The following NAA20 variants were observed in gnomAD, a reference collection of about 807,000 sequenced individuals.
NAA20 encodes N-alpha-acetyltransferase 20.
Under a neutral mutation model 23.8 loss-of-function variants are expected in NAA20, and 24 were observed. The observed-to-expected ratio is 1.01, with a 90% CI of 0.73 to 1.42. The LOEUF (loss-of-function observed/expected upper bound fraction) is 1.42, where lower values mean the gene tolerates loss of function less well. Among genes scored for constraint, NAA20 ranks in the 40% most tolerant of loss-of-function variants. The pLI is 0.00. For missense variants in NAA20, 166 were observed against 223.1 expected, an observed-to-expected ratio of 0.74 and a Z score of 1.63; for synonymous variants, 83 against 77.7, an observed-to-expected ratio of 1.07 and a Z score of -0.36.
At chr20:20,032,862 C>T (rs1479606142) in intron 5 of NAA20, among the ~76,000 whole-genome samples, 1 of 152,118 alleles carries the variant, frequency 6.6e-6, no homozygotes, top group African/African-American at 2.4e-5. Flanking sequence ...TACTGTTTCA[C>T]TCTGTTACAT....
chr20:20,024,570 C>G (rs1416867915), intron 2 of NAA20, among the ~76,000 whole-genome samples: 1 of 152,172 alleles, frequency 6.6e-6, no homozygotes, highest in Non-Finnish European at 1.5e-5. Flanking sequence ...TTTTAGGATG[C>G]AAATCCGTTT....
rs1394987504 is a variant in NAA20, at chr20:20,025,715, G to A, written c.117G>A (p.Trp39Ter). ...TCTACCTACAATACCTCGCCCACTG[G>A]CCAGAGTATTTCATTGTTGCAGAGG... ...IPFYLQYLAH[W>*]PEYFIVAEAP... is the part of the protein sequence containing the mutation. Residue 39 changes from tryptophan (W) to a stop codon, truncating the protein, a stop_gained, in exon 3 of 6, where the codon TGG becomes TGA. Transcript: ENST00000334982. LOFTEE classifies it high-confidence loss of function. 7 of 1,612,202 alleles carry A rather than the reference G, an allele frequency of 4.3e-6. No homozygotes were observed. The highest frequency in any genetic ancestry group is 1.3e-5 in the African/African-American group (1 of 74,846).
intron 4 of NAA20, among the ~76,000 whole-genome samples, chr20:20,028,430 T>A (rs1245836260): frequency 6.6e-6 from 1 of 152,080 alleles, no homozygotes; most frequent in African/African-American, 2.4e-5. Flanking sequence ...GGCACGCGTA[T>A]ACCTATGTAA....
chr20:20,017,501 GGCCCCGCCA>G (rs2043239541), intron 1 of NAA20, 52 bp downstream of exon 1: 1 of 1,538,342 alleles, frequency 6.5e-7, no homozygotes, highest in Non-Finnish European at 8.7e-7. Context: ...CTCGCTTCCC[GGCCCCGCCA>G]GCTCCGGCCC....
intron 4 of NAA20, among the ~76,000 whole-genome samples, chr20:20,031,477 T>G (rs573651264): frequency 1.3e-5 from 2 of 152,286 alleles, no homozygotes; most frequent in Non-Finnish European, 2.9e-5. Context: ...CTAAGAAGTC[T>G]TTTGAATATA....
At position 20,017,575 on chromosome 20, in the gene NAA20, C is replaced by A. The variant is rs372742374; in HGVS notation, c.53+126C>A. On this transcript the variant is annotated intron_variant, in intron 1 of 5. Transcript: ENST00000334982. The stretch of plus-strand genomic sequence containing the variant: ...CCCGGACGGGGACCCGCGAGAACCA[C>A]CCCCCGCCGGCCAACGTGGGCGCCT... 5.9e-6 allele frequency: 8 copies of A among 1,352,786 alleles called. No homozygotes were observed. The South Asian group carries it at 8.0e-5, about 13-fold the overall frequency. 83.8% of individuals were successfully genotyped at this position (1,352,786 alleles called of 1,614,324 possible). A position where few individuals can be genotyped will look rare whatever the true frequency, so the allele number is the denominator to read the frequency against.
At chr20:20,025,932 G>A (rs925063480) in intron 3 of NAA20, among the ~76,000 whole-genome samples, 165 bp downstream of exon 3, 3 of 152,008 alleles carry the variant, frequency 2.0e-5, no homozygotes, top group Non-Finnish European at 4.4e-5. Context: ...ACTGTGCTAG[G>A]CCCAGGCGAT....
At chr20:20,017,851 C>T in intron 1 of NAA20, 2 of 1,538,224 alleles carry the variant, frequency 1.3e-6, no homozygotes, top group South Asian at 1.2e-5. Context: ...CGTGGCCGGG[C>T]CGCGCCTCTT....
At chr20:20,020,858 C>T (rs557320147) in intron 1 of NAA20, among the ~76,000 whole-genome samples, 1 of 152,232 alleles carries the variant, frequency 6.6e-6, no homozygotes, top group African/African-American at 2.4e-5. Context: ...GCTCAGTGCA[C>T]ATCATATTTG....
Position 20,032,800 on chromosome 20 carries a change from G to A in NAA20, c.451+147G>A, listed in dbSNP as rs546274574. The A allele has an allele frequency of 5.6e-6, 6 of 1,079,762 alleles. No individual in the cohort carries two copies. In the Admixed American group the frequency reaches 1.9e-4, roughly 35 times the overall value. 66.9% of individuals were successfully genotyped at this position (1,079,762 alleles called of 1,614,324 possible). ...TCAACCTACCTTTATCAACCTATTA[G>A]TAGTAGTAATTAACTTACCTATTAA... On this transcript the variant is annotated intron_variant, in intron 5 of 5. Coordinates refer to ENST00000334982, the MANE Select transcript of NAA20 (RefSeq NM_016100.5).
At chr20:20,032,373 C>A in intron 4 of NAA20, 135 bp from the exon 5 acceptor site, 1 of 682,036 alleles carries the variant, frequency 1.5e-6, no homozygotes, top group Non-Finnish European at 2.3e-6. Flanking sequence ...ATGTAATCAG[C>A]TACAAGGTCC....
intron 4 of NAA20, among the ~76,000 whole-genome samples, chr20:20,031,066 A>T (rs2146469055): frequency 6.6e-6 from 1 of 152,328 alleles, no homozygotes; most frequent in African/African-American, 2.4e-5. Context: ...TTCCAATGTA[A>T]TTGCAGTCAA....
intron 5 of NAA20, 138 bp downstream of exon 5, chr20:20,032,791 A>G (rs2043356172): frequency 1.8e-6 from 2 of 1,130,932 alleles, no homozygotes; most frequent in African/African-American, 3.1e-5. Context: ...TACCTTTATC[A>G]ACCTATTAGT....
intron 2 of NAA20, among the ~76,000 whole-genome samples, chr20:20,023,239 G>C (rs1242402874): frequency 1.2e-4 from 18 of 151,306 alleles, no homozygotes. Flanking sequence ...GTTGCAGTGA[G>C]CCGAGGTTGC....
At chr20:20,017,554 G>A (rs2043239971) in intron 1 of NAA20, 105 bp downstream of exon 1, 2 of 1,437,478 alleles carry the variant, frequency 1.4e-6, no homozygotes, top group South Asian at 2.9e-5. Flanking sequence ...CCCAAGCCCG[G>A]ACGGGGACCC....
At chr20:20,027,841 C>T (rs1427222760) in intron 4 of NAA20, among the ~76,000 whole-genome samples, 1 of 151,826 alleles carries the variant, frequency 6.6e-6, no homozygotes, top group African/African-American at 2.4e-5. Context: ...GAAGAGAAGG[C>T]CCCTCCTCGT....
chr20:20,032,679 C>G (rs1333600810), intron 5 of NAA20, 26 bp downstream of exon 5: 3 of 1,548,074 alleles, frequency 1.9e-6, no homozygotes, highest in Non-Finnish European at 2.6e-6. Context: ...TGGCAGTATC[C>G]CCAAGAAGTC....
chr20:20,032,980 T>C lies in NAA20; in HGVS notation c.452-122T>C. 5 of 782,444 alleles carry C rather than the reference T, an allele frequency of 6.4e-6. No homozygotes were observed. The Admixed American group carries it at 1.0e-4, about 16-fold the overall frequency. The allele number at this position is 782,444 out of a possible 1,614,324, so 48.5% of individuals were successfully genotyped here. A position where few individuals can be genotyped will look rare whatever the true frequency, so the allele number is the denominator to read the frequency against. On this transcript the variant is annotated intron_variant, in intron 5 of 5. Coordinates refer to ENST00000334982, the MANE Select transcript of NAA20 (RefSeq NM_016100.5). The stretch of plus-strand genomic sequence containing the variant: ...ATTGGGAGACATTTATAAATACATT[T>C]TGCTTAGAATATGGTGAAGTGGGGG...
rs1422073250 is a variant in NAA20 at position 20,031,772 on chromosome 20, A to G, written c.306-736A>G. On this transcript the variant is annotated intron_variant, in intron 4 of 5. Transcript: ENST00000334982. ...GAAATCTAAATGGCCAACCAACAGA[A>G]ATATATTCAGCATTGTTAGTAATTG... Among the ~76,000 whole-genome samples, 6 of 152,230 alleles carry G rather than the reference A, an allele frequency of 3.9e-5. No individual in the cohort carries two copies. In the East Asian group the frequency reaches 5.8e-4, roughly 15 times the overall value.
Sources: allele counts gnomAD v4.1 joint callset (sites outside exome capture counted in the v4.1 genomes callset), GRCh38; gene constraint gnomAD v4.1.1; transcripts MANE v1.5; gene names NCBI Gene and HGNC (gene_info 2026-07-23, HGNC 2026-07-21).